ETV5: variants seen among roughly 807,000 people sequenced by gnomAD.
ETV5 encodes the protein ETS translocation variant 5.
A neutral mutation model predicts 70.0 loss-of-function variants in ETV5; 10 were observed. The ratio of observed to expected loss-of-function variants is 0.14; its 90% CI spans 0.09 to 0.24. The LOEUF is 0.24. Ranked by LOEUF, ETV5 falls within the 10% of genes least tolerant of loss-of-function variation. The pLI, the probability that ETV5 is intolerant of heterozygous loss-of-function variation, is 1.00. For synonymous variants in ETV5, 216 were observed against 242.2 expected (o/e 0.89, Z 1.01); for missense variants, 453 against 651.2 (o/e 0.70, Z 3.31).
chr3:186,068,386 A>G (rs777286643), intron 7 of ETV5, among the ~76,000 whole-genome samples: 4 of 152,244 alleles, frequency 2.6e-5, no homozygotes, highest in Non-Finnish European at 5.9e-5. Context: ...AAAGACTGAC[A>G]TTTAGATATT....
At position 186,094,858 on chromosome 3, in the gene ETV5, GGA is replaced by G. The variant is rs955445036; in HGVS notation, c.232+10445_232+10446del. 6.0e-4 allele frequency among the ~76,000 whole-genome samples: 92 copies of G among 152,302 alleles called. 1 individual carries two copies. Among genetic ancestry groups the G allele is most frequent in the African/African-American group, 2.0e-3 (85 of 41,566 alleles). ...GCTTGTGAGTACGGAACTGACTCCA[GGA>G]GAGTCAAGATAAAAACAAGAGGTTC... On this transcript the variant is annotated intron_variant, in intron 5 of 12. Transcript: ENST00000306376.
At chr3:186,058,773 G>T (rs111427932) in intron 9 of ETV5, among the ~76,000 whole-genome samples, 2,873 of 152,162 alleles carry the variant, frequency 0.019, 89 homozygotes, top group African/African-American at 0.067. Context: ...CAGCGCTTTG[G>T]GAGGCCAAGA....
At chr3:186,073,612 C>T (rs1713699831) in intron 7 of ETV5, among the ~76,000 whole-genome samples, 1 of 152,186 alleles carries the variant, frequency 6.6e-6, no homozygotes, top group Non-Finnish European at 1.5e-5. Flanking sequence ...AGAAAAATCT[C>T]ATACGTTTAG....
At chr3:186,103,293 A>G (rs1714507249) in intron 5 of ETV5, among the ~76,000 whole-genome samples, 1 of 152,218 alleles carries the variant, frequency 6.6e-6, no homozygotes, top group Admixed American at 6.5e-5. Context: ...TAAAGAGCCA[A>G]AACACATTTA....
chr3:186,068,363 T>C (rs531106932), intron 7 of ETV5, among the ~76,000 whole-genome samples: 5 of 152,352 alleles, frequency 3.3e-5, no homozygotes, highest in African/African-American at 9.6e-5. Context: ...TATGGTGTCA[T>C]ATAAAACCAC....
chr3:186,058,886 G>T (rs776966155), intron 9 of ETV5, among the ~76,000 whole-genome samples: 1 of 151,800 alleles, frequency 6.6e-6, no homozygotes, highest in African/African-American at 2.4e-5. Context: ...AGTGGTGGGC[G>T]CCTGTAATCC....
chr3:186,077,698 GCATTGAAAATCCCCGCTCCACACTCC>G (rs1207033887), intron 7 of ETV5, among the ~76,000 whole-genome samples: 1 of 152,148 alleles, frequency 6.6e-6, no homozygotes, highest in Non-Finnish European at 1.5e-5. Flanking sequence ...CAAGGACTCT[GCATTGAAAATCCCCGCTCCACACTCC>G]CATGGGGACT....
rs1438073905 is a variant in ETV5, at chr3:186,054,064, G to A, written c.1210-1933C>T. 2.6e-5 allele frequency among the ~76,000 whole-genome samples: 4 copies of A among 152,164 alleles called. No individual in the cohort carries two copies. Among genetic ancestry groups the A allele is most frequent in the East Asian group, 3.9e-4 (2 of 5,190 alleles). On this transcript the variant is annotated intron_variant, in intron 11 of 12. Transcript: ENST00000306376. This position sits in a 1 kb window ranked among gnomAD's most constrained non-coding sequence, Gnocchi z 4.4. ...CTTACTGGAGAAAGGTTTGGTATACGCACAGATTTCAAAGCAGCTCTGGTA... is the reference window on the plus strand; with the variant it reads ...CTTACTGGAGAAAGGTTTGGTATACACACAGATTTCAAAGCAGCTCTGGTA...
At chr3:186,084,311 C>G (rs7629196) in intron 5 of ETV5, 26,794 of 361,318 alleles carry the variant, frequency 0.074, 2,959 homozygotes, top group East Asian at 0.53. Context: ...AAAAAGTTGA[C>G]ATTTGAGCTA....
chr3:186,058,394 A>T (rs1366266632), intron 9 of ETV5, among the ~76,000 whole-genome samples: 1 of 152,194 alleles, frequency 6.6e-6, no homozygotes, highest in African/African-American at 2.4e-5. Flanking sequence ...ATACTCCTTT[A>T]CCAGCACACG....
intron 12 of ETV5, among the ~76,000 whole-genome samples, chr3:186,050,733 G>GA (rs1394752181): frequency 6.6e-6 from 1 of 152,136 alleles, no homozygotes; most frequent in Non-Finnish European, 1.5e-5. Context: ...CACTCCAGTG[G>GA]GGGGTAGTAA....
At chr3:186,097,477 C>G (rs1714332450) in intron 5 of ETV5, among the ~76,000 whole-genome samples, 1 of 152,188 alleles carries the variant, frequency 6.6e-6, no homozygotes, top group African/African-American at 2.4e-5. Context: ...GCTAAAGCCA[C>G]AACCCCACGG....
intron 5 of ETV5, among the ~76,000 whole-genome samples, chr3:186,088,772 C>T (rs1211670577): frequency 6.6e-6 from 1 of 152,166 alleles, no homozygotes. Flanking sequence ...TCTGAGTACT[C>T]CACTGGCAAA....
chr3:186,092,623 G>A (rs1337583824), intron 5 of ETV5, among the ~76,000 whole-genome samples: 1 of 151,044 alleles, frequency 6.6e-6, no homozygotes, highest in East Asian at 1.9e-4. Flanking sequence ...TTAAAGAGAC[G>A]GGGTCTCACT....
At position 186,048,424 on chromosome 3, in the gene ETV5, T is replaced by C. The variant is rs923134385; in HGVS notation, c.*215A>G. The stretch of plus-strand genomic sequence containing the variant: ...TCATCAGAATCAAGAGTTGAGGCAC[T>C]GGCCTTTTGGTGGTTTTCTGCCCCT... On this transcript the variant is annotated 3_prime_UTR_variant, in exon 13 of 13. Transcript: ENST00000306376. The C allele has an allele frequency of 2.1e-5, 12 of 572,840 alleles. No homozygotes were observed. The highest frequency in any genetic ancestry group is 6.1e-5 in the Admixed American group (2 of 32,854). The allele number at this position is 572,840 out of a possible 1,614,324, so 35.5% of individuals were successfully genotyped here.
chr3:186,069,326 T>G (rs376188730), intron 7 of ETV5, among the ~76,000 whole-genome samples: 1 of 152,210 alleles, frequency 6.6e-6, no homozygotes, highest in East Asian at 1.9e-4. Context: ...AGTGGGCTGA[T>G]AGCCTTTCAT....
At chr3:186,056,561 GA>G (rs35733425) in intron 11 of ETV5, among the ~76,000 whole-genome samples, 4 of 148,744 alleles carry the variant, frequency 2.7e-5, no homozygotes, top group East Asian at 3.9e-4. Context: ...ACACACCTTT[GA>G]AAAAAAAAAT....
At chr3:186,059,485 G>A (rs1430337136) in intron 9 of ETV5, among the ~76,000 whole-genome samples, 3 of 152,148 alleles carry the variant, frequency 2.0e-5, no homozygotes, top group Non-Finnish European at 2.9e-5. Flanking sequence ...GTGCGATCTT[G>A]AATAAATTAA....
intron 5 of ETV5, among the ~76,000 whole-genome samples, chr3:186,082,478 C>T (rs1471607914): frequency 2.0e-5 from 3 of 148,226 alleles, no homozygotes; most frequent in Admixed American, 6.8e-5. Flanking sequence ...CCCAGGCTGG[C>T]GTGCAATGGC....
Sources: allele counts gnomAD v4.1 joint callset (sites outside exome capture counted in the v4.1 genomes callset), GRCh38; gene constraint gnomAD v4.1.1; non-coding constraint Gnocchi (gnomAD v3.1); transcripts MANE v1.5; gene names NCBI Gene and HGNC (gene_info 2026-07-23, HGNC 2026-07-21).